Variants in SIDT2 observed in about 807,000 individuals in gnomAD.
SIDT2 encodes SID1 transmembrane family, member 2.
A neutral mutation model predicts 114.4 loss-of-function variants in SIDT2; 68 were observed. The observed-to-expected ratio is 0.59, with a 90% CI of 0.49 to 0.73. The LOEUF (loss-of-function observed/expected upper bound fraction) is 0.73, where lower values mean the gene tolerates loss of function less well. Ranked by LOEUF, SIDT2 falls within the 30% of genes least tolerant of loss-of-function variation. The pLI, the probability that SIDT2 is intolerant of heterozygous loss-of-function variation, is 0.00. For synonymous variants in SIDT2, 470 were observed against 438.4 expected (o/e 1.07, Z -0.90); for missense variants, 918 against 1,097.1 (o/e 0.84, Z 2.31).
At position 117,189,273 on chromosome 11, in the gene SIDT2, G is replaced by C. The variant is rs771188456; in HGVS notation, c.1352+31G>C. ...TGGGCTGAGTGTCTGGGGCTCTGCT[G>C]TTGGTGGGTGTGTGGCAGCCTTGGG... On this transcript the variant is annotated intron_variant, in intron 14 of 25. Transcript: ENST00000324225. The C allele has an allele frequency of 3.1e-6, 5 of 1,614,066 alleles. No homozygotes were observed. In the East Asian group the frequency reaches 6.7e-5, roughly 22 times the overall value.
At position 117,190,032 on chromosome 11, in the gene SIDT2, G is replaced by T. The variant is rs1190653409; in HGVS notation, c.1493+7G>T. 3 of 1,613,976 alleles carry T rather than the reference G, an allele frequency of 1.9e-6. No homozygotes were observed. Among genetic ancestry groups the T allele is most frequent in the Admixed American group, 3.3e-5 (2 of 59,992 alleles). On this transcript the variant is annotated splice_region_variant and intron_variant, in intron 16 of 25. Transcript: ENST00000324225. This position sits in a 1 kb window ranked among gnomAD's most constrained non-coding sequence, Gnocchi z 4.1. ...ACCCACTGGGCAATCTCAGGTGGGG[G>T]TCATGCTGGGAGGCCCCTTGTCCAG...
In SIDT2 at chr11:117,190,785, C is replaced by A; in HGVS notation, c.1735+45C>A. On this transcript the variant is annotated intron_variant, in intron 18 of 25. Coordinates refer to ENST00000324225, the MANE Select transcript of SIDT2 (RefSeq NM_001040455.2). The surrounding 1 kb of genome is among the most constrained non-coding windows in gnomAD (Gnocchi z 4.1). ...TTTCTGGCTCAACCTACAGCAGGGA[C>A]CTGCCTGAGTCCTTCACTATCCCCA... 2.7e-6 allele frequency: 4 copies of A among 1,478,954 alleles called. No homozygotes were observed. The highest frequency in any genetic ancestry group is 3.8e-6 in the Non-Finnish European group (4 of 1,057,196). 91.6% of individuals were successfully genotyped at this position (1,478,954 alleles called of 1,614,324 possible).
chr11:117,196,115 T>C lies in SIDT2; in HGVS notation c.*49T>C. On this transcript the variant is annotated 3_prime_UTR_variant, in exon 26 of 26. Transcript: ENST00000324225. This position sits in a 1 kb window ranked among gnomAD's most constrained non-coding sequence, Gnocchi z 4.9. ...CCTCAAGGGGCCCTGAGCTCCTTTG[T>C]GTCATAGACCGGTCACTCTGTCGTG... 6.2e-7 allele frequency: 1 copy of C among 1,610,468 alleles called. No homozygotes were observed. The highest frequency in any genetic ancestry group is 8.5e-7 in the Non-Finnish European group (1 of 1,177,232).
chr11:117,182,100 C>G lies in SIDT2; in HGVS notation c.511C>G (p.Pro171Ala). 2 of 1,613,902 alleles carry G rather than the reference C, an allele frequency of 1.2e-6. No individual in the cohort carries two copies. The highest frequency in any genetic ancestry group is 1.7e-6 in the Non-Finnish European group (2 of 1,180,012). ...CAGCTTCAATACCACAGCAGCACAGCCCCAGGTAACATCTCCCTGTTGATT... is the reference window on the plus strand; with the variant it reads ...CAGCTTCAATACCACAGCAGCACAGGCCCAGGTAACATCTCCCTGTTGATT... The part of the protein sequence containing the change: ...QFSFNTTAAQ[P>A]QYFKYEFPEG... Residue 171 changes from proline (P) to alanine (A), a missense_variant, in exon 4 of 26, where the codon CCC becomes GCC. Physicochemically the swap from Pro to Ala is conservative, Grantham distance 27 (BLOSUM62 -1). Around this residue, in one of 4 missense-constraint regions of SIDT2, gnomAD observed 553 missense variants for 600.1 expected, o/e 0.92. Coordinates refer to ENST00000324225, the MANE Select transcript of SIDT2 (RefSeq NM_001040455.2).
rs1314177676 is a variant in SIDT2 at position 117,191,932 on chromosome 11, A to G, written c.1790A>G (p.Lys597Arg). The change falls in exon 19 of 26, where the codon AAG becomes AGG. Residue 597 changes from lysine (K) to arginine (R), a missense_variant. Transcript: ENST00000324225. ...CTCTGCATGCTGAAGCTCTACCAGAAGCGGCACCCGGACATCAACGCCAGC... is the reference window on the plus strand; with the variant it reads ...CTCTGCATGCTGAAGCTCTACCAGAGGCGGCACCCGGACATCAACGCCAGC... ...AGLCMLKLYQ[K>R]RHPDINASAY... 6.2e-7 allele frequency: 1 copy of G among 1,614,116 alleles called. No homozygotes were observed. The highest frequency in any genetic ancestry group is 1.1e-5 in the South Asian group (1 of 91,084).
At position 117,197,101 on chromosome 11, in the gene SIDT2, C is replaced by T. The variant is rs1409254988; in HGVS notation, c.*1035C>T. On this transcript the variant is annotated 3_prime_UTR_variant, in exon 26 of 26. Coordinates refer to ENST00000324225, the MANE Select transcript of SIDT2 (RefSeq NM_001040455.2). Reference sequence around the variant, plus strand: ...GACCCAGGGCTGGCTTCTAAGTTTCCGTCCAGTCTTCAGGCAAGTTCTGTG... The same window carrying T: ...GACCCAGGGCTGGCTTCTAAGTTTCTGTCCAGTCTTCAGGCAAGTTCTGTG... The T allele has an allele frequency of 2.6e-5, 4 of 152,364 alleles. No homozygotes were observed. The highest frequency in any genetic ancestry group is 7.2e-5 in the African/African-American group (3 of 41,456). 9.4% of individuals were successfully genotyped at this position (152,364 alleles called of 1,614,324 possible).
Position 117,184,067 on chromosome 11 carries a change from C to A in SIDT2, c.803-7C>A. 1 of 1,614,170 alleles carries A rather than the reference C, an allele frequency of 6.2e-7. No individual in the cohort carries two copies. The highest frequency in any genetic ancestry group is 8.5e-7 in the Non-Finnish European group (1 of 1,180,014). The stretch of plus-strand genomic sequence containing the variant: ...ACTAGTTTACCACTTTGACATTTTA[C>A]TTCCAGATGAACCGGTCGATCAAGG... On this transcript the variant is annotated splice_region_variant and splice_polypyrimidine_tract_variant and intron_variant, in intron 7 of 25. Transcript: ENST00000324225.
chr11:117,190,139 C>G lies in SIDT2; in HGVS notation c.1494-27C>G, dbSNP rs770778984. On this transcript the variant is annotated intron_variant, in intron 16 of 25. Transcript: ENST00000324225. This position sits in a 1 kb window ranked among gnomAD's most constrained non-coding sequence, Gnocchi z 4.1. The stretch of plus-strand genomic sequence containing the variant: ...AAGAGGCCTGGGTGTGAGTCCCAAG[C>G]AGTCTGCCTTGTGTTGCCCCTTCTA... 5.6e-6 allele frequency: 9 copies of G among 1,602,420 alleles called. No homozygotes were observed. The highest frequency in any genetic ancestry group is 1.7e-5 in the Admixed American group (1 of 59,112).
At chr11:117,194,425 G>C (rs921792863) in intron 24 of SIDT2, among the ~76,000 whole-genome samples, 1 of 152,176 alleles carries the variant, frequency 6.6e-6, no homozygotes, top group Non-Finnish European at 1.5e-5. Context: ...GTTTACTTAC[G>C]AGACAGATGA....
chr11:117,190,086 G>A lies in SIDT2; in HGVS notation c.1493+61G>A, dbSNP rs2030644319. Reference sequence around the variant, plus strand: ...AAGGGTGAAATGGGGCAGGGCCTGGGGCTTTGCAATGCCCACGTGGGCTAG... The same window carrying A: ...AAGGGTGAAATGGGGCAGGGCCTGGAGCTTTGCAATGCCCACGTGGGCTAG... On this transcript the variant is annotated intron_variant, in intron 16 of 25. Coordinates refer to ENST00000324225, the MANE Select transcript of SIDT2 (RefSeq NM_001040455.2). This position sits in a 1 kb window ranked among gnomAD's most constrained non-coding sequence, Gnocchi z 4.1. 6.2e-7 allele frequency: 1 copy of A among 1,613,872 alleles called. No homozygotes were observed. Among genetic ancestry groups the A allele is most frequent in the African/African-American group, 1.3e-5 (1 of 75,050 alleles).
rs1378692013 is a variant in SIDT2, at chr11:117,189,220, A to G, written c.1330A>G (p.Lys444Glu). The stretch of plus-strand genomic sequence containing the variant: ...ACGGAAGGACAAGCGTGTTCTGCGG[A>G]AAAAGTACCAGATCTACTTCTGGTG... ...LARKDKRVLR[K>E]KYQIYFWNIA... The change falls in exon 14 of 26, where the codon AAA becomes GAA. Residue 444 changes from lysine to glutamate, a missense_variant. Lys to Glu is a moderately conservative substitution (Grantham distance 56). Transcript: ENST00000324225. 2 of 1,614,096 alleles carry G rather than the reference A, an allele frequency of 1.2e-6. No homozygotes were observed. The highest frequency in any genetic ancestry group is 1.3e-5 in the African/African-American group (1 of 74,936).
Position 117,196,731 on chromosome 11 carries a change from C to T in SIDT2, c.*665C>T, listed in dbSNP as rs1395027627. 3 of 153,342 alleles carry T rather than the reference C, an allele frequency of 2.0e-5. No homozygotes were observed. The highest frequency in any genetic ancestry group is 7.2e-5 in the African/African-American group (3 of 41,468). 9.5% of individuals were successfully genotyped at this position (153,342 alleles called of 1,614,324 possible). On this transcript the variant is annotated 3_prime_UTR_variant, in exon 26 of 26. Transcript: ENST00000324225. The surrounding 1 kb of genome is among the most constrained non-coding windows in gnomAD (Gnocchi z 4.9). ...TCAGGGCTGGCTCTTTAGCAATGCGCTCAGCCCAATTTGAGAACCGCCTTC... is the reference window on the plus strand; with the variant it reads ...TCAGGGCTGGCTCTTTAGCAATGCGTTCAGCCCAATTTGAGAACCGCCTTC...
At chr11:117,183,471 C>T (rs553541839) in intron 6 of SIDT2, among the ~76,000 whole-genome samples, 1 of 152,020 alleles carries the variant, frequency 6.6e-6, no homozygotes, top group South Asian at 2.1e-4. Context: ...AACCCCATCT[C>T]TACTAAAAAC....
rs1272727906 is a variant in SIDT2 at position 117,188,683 on chromosome 11, A to ACCC, written c.1160-23_1160-21dup. On this transcript the variant is annotated intron_variant, in intron 12 of 25. Transcript: ENST00000324225. The surrounding 1 kb of genome is among the most constrained non-coding windows in gnomAD (Gnocchi z 4.0). ...TGTGGGTTTTGTGTCCACCGGTGCAACCCCTCCCTCCCTGCCCTTTCCAGG... is the reference window on the plus strand; with the variant it reads ...TGTGGGTTTTGTGTCCACCGGTGCAACCCCCCCTCCCTCCCTGCCCTTTCCAGG... 3 of 1,584,902 alleles carry ACCC rather than the reference A, an allele frequency of 1.9e-6. No homozygotes were observed. In the African/African-American group the frequency reaches 4.1e-5, roughly 21 times the overall value.
intron 22 of SIDT2, 44 bp from the exon 23 acceptor site, chr11:117,193,109 G>C (rs2030762605): frequency 6.3e-7 from 1 of 1,594,014 alleles, no homozygotes; most frequent in Admixed American, 1.7e-5. Context: ...GCACTTCCTT[G>C]CCCTTGGGCT....
chr11:117,195,336 A>G (rs2030859523), intron 24 of SIDT2, among the ~76,000 whole-genome samples: 1 of 152,170 alleles, frequency 6.6e-6, no homozygotes, highest in Non-Finnish European at 1.5e-5. Flanking sequence ...TGAGTAGAGC[A>G]GGGAGGACCT....
intron 4 of SIDT2, 83 bp from the exon 5 acceptor site, chr11:117,182,436 C>A: frequency 1.6e-6 from 2 of 1,282,320 alleles, no homozygotes; most frequent in South Asian, 1.2e-5. Flanking sequence ...TGGGTCCTCG[C>A]TTATAGGGGA....
chr11:117,184,030 A>G (rs2030400751), intron 7 of SIDT2, 44 bp from the exon 8 acceptor site: 3 of 1,610,264 alleles, frequency 1.9e-6, no homozygotes, highest in Non-Finnish European at 1.7e-6. Flanking sequence ...GACTCTAGCC[A>G]AGCTCCAGGC....
In SIDT2 at chr11:117,196,316, T is replaced by G. The variant is rs984863327; in HGVS notation, c.*250T>G. On this transcript the variant is annotated 3_prime_UTR_variant, in exon 26 of 26. Coordinates refer to ENST00000324225, the MANE Select transcript of SIDT2 (RefSeq NM_001040455.2). The surrounding 1 kb of genome is among the most constrained non-coding windows in gnomAD (Gnocchi z 4.9). ...CCAGATGTTGGCCAAATTGCTGCTT[T>G]CTTCTCAGTGTTGGGGCCTTCCATG... 2.0e-5 allele frequency: 11 copies of G among 562,498 alleles called. No individual in the cohort carries two copies. The highest frequency in any genetic ancestry group is 1.7e-4 in the African/African-American group (9 of 53,098). The allele number at this position is 562,498 out of a possible 1,614,324, so 34.8% of individuals were successfully genotyped here.
Sources: allele counts gnomAD v4.1 joint callset (sites outside exome capture counted in the v4.1 genomes callset), GRCh38; gene constraint gnomAD v4.1.1; regional missense constraint gnomAD v4.1.1; non-coding constraint Gnocchi (gnomAD v3.1); transcripts MANE v1.5; gene names NCBI Gene and HGNC (gene_info 2026-07-23, HGNC 2026-07-21).